Variants in KLF12 observed in about 807,000 individuals in gnomAD.
KLF12 encodes the protein KLF transcription factor 12.
Under a neutral mutation model 37.8 loss-of-function variants are expected in KLF12, and 9 were observed. The observed-to-expected ratio is 0.24, with a 90% CI of 0.14 to 0.42. The LOEUF (loss-of-function observed/expected upper bound fraction) is 0.42. Ranked by LOEUF, KLF12 falls within the 10% of genes least tolerant of loss-of-function variation. The pLI, the probability that KLF12 is intolerant of heterozygous loss-of-function variation, is 1.00. For missense variants in KLF12, 411 were observed against 516.0 expected, an observed-to-expected ratio of 0.80 and a Z score of 1.97; for synonymous variants, 208 against 202.1, an observed-to-expected ratio of 1.03 and a Z score of -0.25.
At chr13:74,224,925 A>G in the KLF12 span, among the ~76,000 whole-genome samples, 107 of 152,278 alleles carry the variant, frequency 7.0e-4, no homozygotes, top group South Asian at 4.1e-3. Flanking sequence ...GAAGTGCATA[A>G]AACAGAAAAG....
the KLF12 span, among the ~76,000 whole-genome samples, chr13:74,159,951 A>G: frequency 6.8e-6 from 1 of 147,346 alleles, no homozygotes; most frequent in African/African-American, 2.5e-5. Flanking sequence ...GCAGTGAGCC[A>G]AGATCACATC....
chr13:74,122,763 A>T (rs1242332930), intron 1 of KLF12, among the ~76,000 whole-genome samples: 1 of 152,060 alleles, frequency 6.6e-6, no homozygotes, highest in East Asian at 1.9e-4. Flanking sequence ...GAACAAAAAA[A>T]GATAAAAGAG....
chr13:73,952,855 A>G (rs555405080), intron 2 of KLF12, among the ~76,000 whole-genome samples: 1 of 152,330 alleles, frequency 6.6e-6, no homozygotes, highest in African/African-American at 2.4e-5. Flanking sequence ...GTGATACAAG[A>G]GAAACTGCAG....
At chr13:74,030,627 A>C (rs975369348) in intron 1 of KLF12, among the ~76,000 whole-genome samples, 1 of 152,154 alleles carries the variant, frequency 6.6e-6, no homozygotes, top group African/African-American at 2.4e-5. Flanking sequence ...TATGGCACAG[A>C]TAATATTTAA....
chr13:74,068,606 G>A (rs1242806209), intron 1 of KLF12, among the ~76,000 whole-genome samples: 1 of 150,904 alleles, frequency 6.6e-6, no homozygotes, highest in Non-Finnish European at 1.5e-5. Context: ...GCCCAGGCTG[G>A]GGTGCAGTGG....
At chr13:74,093,819 G>A (rs1593894370) in intron 1 of KLF12, among the ~76,000 whole-genome samples, 1 of 151,856 alleles carries the variant, frequency 6.6e-6, no homozygotes, top group Non-Finnish European at 1.5e-5. Flanking sequence ...ATAAACTAAT[G>A]TAAATGAGCA....
chr13:74,280,831 T>C, the KLF12 span, among the ~76,000 whole-genome samples: 2 of 144,982 alleles, frequency 1.4e-5, no homozygotes, highest in South Asian at 2.2e-4. Context: ...TTTTCTTTTT[T>C]TTTTTTTTTT....
chr13:73,925,444 C>T (rs963130199), intron 3 of KLF12, among the ~76,000 whole-genome samples: 4 of 152,132 alleles, frequency 2.6e-5, no homozygotes, highest in Non-Finnish European at 4.4e-5. Flanking sequence ...GCATGATTTA[C>T]GGAGTATTTT....
chr13:74,295,306 C>T, the KLF12 span, among the ~76,000 whole-genome samples: 2 of 152,128 alleles, frequency 1.3e-5, no homozygotes, highest in African/African-American at 4.8e-5. Context: ...GTCCTGCCTC[C>T]ACTCCCTATA....
At chr13:73,907,131 C>T (rs1237268784) in intron 3 of KLF12, among the ~76,000 whole-genome samples, 1 of 152,128 alleles carries the variant, frequency 6.6e-6, no homozygotes, top group East Asian at 1.9e-4. Flanking sequence ...TGAAAAGATA[C>T]ATCATTGAAT....
intron 5 of KLF12, among the ~76,000 whole-genome samples, chr13:73,783,821 C>G (rs557714760): frequency 1.3e-5 from 2 of 151,928 alleles, no homozygotes; most frequent in African/African-American, 4.8e-5. Flanking sequence ...TAAATCGTAC[C>G]ATCTTTGTGA....
intron 1 of KLF12, among the ~76,000 whole-genome samples, chr13:74,038,905 CA>C (rs1213930073): frequency 1.3e-5 from 2 of 150,386 alleles, no homozygotes; most frequent in Non-Finnish European, 3.0e-5. Flanking sequence ...GATAACATCC[CA>C]GGGGAAAAAA....
intron 4 of KLF12, 106 bp downstream of exon 4, chr13:73,845,721 G>A: frequency 9.8e-7 from 1 of 1,019,162 alleles, no homozygotes; most frequent in Non-Finnish European, 1.5e-6. Context: ...GCTCTACACA[G>A]AACTTCTTTA....
At chr13:73,940,444 C>T (rs1188399652) in intron 3 of KLF12, among the ~76,000 whole-genome samples, 1 of 152,144 alleles carries the variant, frequency 6.6e-6, no homozygotes, top group African/African-American at 2.4e-5. Flanking sequence ...ACAGAAGGCA[C>T]ACAGAGGTGG....
At chr13:74,096,766 G>A (rs1426829437) in intron 1 of KLF12, among the ~76,000 whole-genome samples, 1 of 152,110 alleles carries the variant, frequency 6.6e-6, no homozygotes, top group Non-Finnish European at 1.5e-5. Flanking sequence ...AAATGAGAAG[G>A]GAGATACATA....
At chr13:73,878,859 G>A (rs767994908) in intron 3 of KLF12, among the ~76,000 whole-genome samples, 5 of 152,160 alleles carry the variant, frequency 3.3e-5, no homozygotes, top group African/African-American at 4.8e-5. Context: ...GGAGGCCAGG[G>A]GAGGTGTGGC....
At chr13:73,998,743 G>T (rs1042547909) in intron 1 of KLF12, among the ~76,000 whole-genome samples, 2 of 152,182 alleles carry the variant, frequency 1.3e-5, no homozygotes, top group African/African-American at 4.8e-5. Context: ...CACATAAGTT[G>T]CTTTTCTTCT....
At chr13:74,011,541 T>C (rs1892552246) in intron 1 of KLF12, among the ~76,000 whole-genome samples, 1 of 152,214 alleles carries the variant, frequency 6.6e-6, no homozygotes, top group South Asian at 2.1e-4. Flanking sequence ...TCTGCATCCA[T>C]GGATTCAATT....
rs951030716 is a variant in KLF12 at position 73,693,698 on chromosome 13, A to C, written c.*1792T>G. 6.6e-6 allele frequency: 1 copy of C among 152,644 alleles called. No homozygotes were observed. Among genetic ancestry groups the C allele is most frequent in the African/African-American group, 2.4e-5 (1 of 41,466 alleles). 9.5% of individuals were successfully genotyped at this position (152,644 alleles called of 1,614,324 possible). ...ATGAGCTAGTAATATTGTGAGGTTA[A>C]TATGTGCAATTCCCAAAATCAAGTG... On this transcript the variant is annotated 3_prime_UTR_variant, in exon 8 of 8. Transcript: ENST00000377669.
Sources: allele counts gnomAD v4.1 joint callset (sites outside exome capture counted in the v4.1 genomes callset), GRCh38; gene constraint gnomAD v4.1.1; transcripts MANE v1.5; gene names NCBI Gene and HGNC (gene_info 2026-07-23, HGNC 2026-07-21).